Variants in SYNPR observed in about 807,000 individuals in gnomAD.
SYNPR encodes the protein synaptoporin.
SYNPR carries 23 observed loss-of-function variants against 32.9 expected under a neutral mutation model. The observed-to-expected ratio is 0.70, with a 90% CI of 0.50 to 0.99. The LOEUF (loss-of-function observed/expected upper bound fraction) is 0.99, where lower values mean the gene tolerates loss of function less well. Among genes scored for constraint, SYNPR ranks in the 50% least tolerant of loss-of-function variants. SYNPR has a pLI of 0.00. For missense variants in SYNPR, 318 were observed against 349.3 expected (o/e 0.91, Z 0.71); for synonymous variants, 146 against 135.9 (o/e 1.07, Z -0.52).
intron 1 of SYNPR, among the ~76,000 whole-genome samples, chr3:63,230,213 T>A (rs1376813968): frequency 6.6e-6 from 1 of 152,192 alleles, no homozygotes; most frequent in Non-Finnish European, 1.5e-5. Flanking sequence ...AAATTTAATA[T>A]ATATCTGAAA....
At chr3:63,305,914 A>G (rs1213688669) in intron 2 of SYNPR, among the ~76,000 whole-genome samples, 2 of 152,106 alleles carry the variant, frequency 1.3e-5, no homozygotes, top group African/African-American at 2.4e-5. Flanking sequence ...TGTTAAAACC[A>G]TATTTGGTCA....
At chr3:63,235,735 G>C (rs536839142) in intron 1 of SYNPR, among the ~76,000 whole-genome samples, 1 of 152,056 alleles carries the variant, frequency 6.6e-6, no homozygotes, top group Non-Finnish European at 1.5e-5. Flanking sequence ...ATTTTATTTT[G>C]AGAGGTCTTT....
At chr3:63,281,559 G>A (rs966193715) in intron 2 of SYNPR, among the ~76,000 whole-genome samples, 4 of 152,152 alleles carry the variant, frequency 2.6e-5, no homozygotes, top group African/African-American at 9.7e-5. Flanking sequence ...CACAGATGGA[G>A]CCTTCTTGCT....
chr3:63,476,284 GGAAGGGAAGGGAGGGAA>G (rs2106687713), intron 2 of SYNPR, among the ~76,000 whole-genome samples: 5 of 53,830 alleles, frequency 9.3e-5, no homozygotes, highest in African/African-American at 1.3e-4. Flanking sequence ...AGGGAGGGAA[GGAAGGGAAGGGAGGGAA>G]GGAAGGGAAG....
At chr3:63,490,609 T>C (rs923366173) in intron 3 of SYNPR, among the ~76,000 whole-genome samples, 1 of 152,120 alleles carries the variant, frequency 6.6e-6, no homozygotes, top group African/African-American at 2.4e-5. Context: ...GGTGCATCTA[T>C]AGTCCAGTCC....
At chr3:63,376,122 C>T (rs2087892573) in intron 2 of SYNPR, among the ~76,000 whole-genome samples, 1 of 152,144 alleles carries the variant, frequency 6.6e-6, no homozygotes, top group South Asian at 2.1e-4. Context: ...CCATCTATTT[C>T]TCTGTGTGTT....
chr3:63,338,706 C>T (rs2087325267), intron 2 of SYNPR, among the ~76,000 whole-genome samples: 1 of 152,176 alleles, frequency 6.6e-6, no homozygotes. Context: ...TCCAAGGACA[C>T]ATAGCTAGTG....
chr3:63,508,109 A>G (rs1025274759), intron 3 of SYNPR, among the ~76,000 whole-genome samples: 7 of 152,130 alleles, frequency 4.6e-5, no homozygotes, highest in Non-Finnish European at 7.4e-5. Flanking sequence ...CAAATTCTCA[A>G]TAGCCACATG....
At chr3:63,571,207 C>T (rs1702879647) in intron 4 of SYNPR, among the ~76,000 whole-genome samples, 1 of 152,122 alleles carries the variant, frequency 6.6e-6, no homozygotes, top group African/African-American at 2.4e-5. Context: ...GGGAAATCTA[C>T]CTAACCATGG....
At chr3:63,345,052 T>C (rs2087419643) in intron 2 of SYNPR, among the ~76,000 whole-genome samples, 1 of 152,210 alleles carries the variant, frequency 6.6e-6, no homozygotes, top group Non-Finnish European at 1.5e-5. Context: ...TGATGTTATC[T>C]AAAGGGACAA....
At chr3:63,202,216 C>A in the SYNPR span, among the ~76,000 whole-genome samples, 1 of 152,102 alleles carries the variant, frequency 6.6e-6, no homozygotes. Flanking sequence ...CCAAATGACT[C>A]CTAGATTCCT....
intron 2 of SYNPR, among the ~76,000 whole-genome samples, chr3:63,320,306 C>G (rs1442940931): frequency 6.6e-6 from 1 of 151,924 alleles, no homozygotes; most frequent in African/African-American, 2.4e-5. Context: ...GTTGATGCAT[C>G]AATGGGAAGT....
At chr3:63,582,711 A>G (rs1310082580) in intron 4 of SYNPR, among the ~76,000 whole-genome samples, 1 of 152,048 alleles carries the variant, frequency 6.6e-6, no homozygotes, top group African/African-American at 2.4e-5. Flanking sequence ...AGTAAGGCAT[A>G]ATCTCAGCAA....
intron 1 of SYNPR, among the ~76,000 whole-genome samples, chr3:63,242,878 G>A (rs1292547082): frequency 6.6e-6 from 1 of 152,022 alleles, no homozygotes; most frequent in African/African-American, 2.4e-5. Context: ...AATAGTACAG[G>A]TTTGAAAAAT....
intron 1 of SYNPR, among the ~76,000 whole-genome samples, chr3:63,238,185 T>A (rs1481786787): frequency 1.3e-5 from 2 of 152,114 alleles, no homozygotes; most frequent in African/African-American, 4.8e-5. Context: ...CTGCTTACTA[T>A]CTCTCAGCAT....
chr3:63,509,250 C>G (rs1457621624), intron 3 of SYNPR, among the ~76,000 whole-genome samples: 1 of 138,832 alleles, frequency 7.2e-6, no homozygotes, highest in Non-Finnish European at 1.5e-5. Flanking sequence ...CACACACATA[C>G]ACACACAATT....
At chr3:63,208,605 G>T in the SYNPR span, among the ~76,000 whole-genome samples, 1 of 152,166 alleles carries the variant, frequency 6.6e-6, no homozygotes, top group South Asian at 2.1e-4. Flanking sequence ...TTCTAGATAG[G>T]ACTAGCAAGG....
At chr3:63,396,625 G>A (rs1264380397) in intron 2 of SYNPR, among the ~76,000 whole-genome samples, 1 of 152,106 alleles carries the variant, frequency 6.6e-6, no homozygotes, top group African/African-American at 2.4e-5. Flanking sequence ...TATGATGGAG[G>A]CCCGAGGTCT....
intron 2 of SYNPR, among the ~76,000 whole-genome samples, chr3:63,475,267 A>G (rs1700879074): frequency 1.3e-5 from 2 of 152,288 alleles, no homozygotes; most frequent in Non-Finnish European, 2.9e-5. Flanking sequence ...AGATCATCTA[A>G]GACAGTAGTG....
Sources: allele counts gnomAD v4.1 joint callset (sites outside exome capture counted in the v4.1 genomes callset), GRCh38; gene constraint gnomAD v4.1.1; transcripts MANE v1.5; gene names NCBI Gene and HGNC (gene_info 2026-07-23, HGNC 2026-07-21).